Variants in ZNF585A observed in about 807,000 individuals in gnomAD.
ZNF585A encodes zinc finger protein 585A.
Under a neutral mutation model 14.9 loss-of-function variants are expected in ZNF585A, and 9 were observed. The observed-to-expected ratio is 0.60, with a 90% CI of 0.36 to 1.05. ZNF585A has a LOEUF of 1.05. Ranked by LOEUF, ZNF585A falls within the 50% of genes least tolerant of loss-of-function variation. The pLI is 0.01. For missense variants in ZNF585A, 726 were observed against 926.4 expected (o/e 0.78, Z 2.81); for synonymous variants, 276 against 319.9 (o/e 0.86, Z 1.46).
At chr19:37,169,344 G>A (rs994216946) in intron 2 of ZNF585A, among the ~76,000 whole-genome samples, 1 of 151,008 alleles carries the variant, frequency 6.6e-6, no homozygotes, top group East Asian at 1.9e-4. Context: ...GAAGGCAAAT[G>A]TGACAAAGCT....
Position 37,153,280 on chromosome 19 carries a change from T to G in ZNF585A, c.619A>C (p.Ile207Leu). 1 of 1,614,222 alleles carries G rather than the reference T, an allele frequency of 6.2e-7. No homozygotes were observed. The highest frequency in any genetic ancestry group is 1.1e-5 in the South Asian group (1 of 91,088). ...TCATAGAGTTTCTCTCCGGTATGAA[T>G]TCTCTGATGCCTGAAGAGGGACGAC... ...QVSSLFRHQR[I>L]HTGEKLYECS... is the part of the protein sequence containing the mutation. The change falls in exon 5 of 5, where the codon ATT becomes CTT. Residue 207 changes from isoleucine (I) to leucine (L), a missense_variant. Physicochemically the swap from Ile to Leu is conservative, Grantham distance 5. Coordinates refer to ENST00000292841, the MANE Select transcript of ZNF585A (RefSeq NM_001288800.2).
intron 3 of ZNF585A, 110 bp downstream of exon 3, chr19:37,156,119 A>C: frequency 6.4e-7 from 1 of 1,558,180 alleles, no homozygotes; most frequent in East Asian, 2.3e-5. Flanking sequence ...ATCCTAGACA[A>C]ATCAAGAACA....
intron 2 of ZNF585A, among the ~76,000 whole-genome samples, chr19:37,162,925 T>C (rs1253937402): frequency 6.6e-6 from 1 of 152,080 alleles, no homozygotes; most frequent in African/African-American, 2.4e-5. Context: ...TAAACCCCCA[T>C]GACACAAGTT....
chr19:37,155,476 C>A (rs1405338199), intron 4 of ZNF585A, among the ~76,000 whole-genome samples: 1 of 151,872 alleles, frequency 6.6e-6, no homozygotes. Flanking sequence ...CATGGTGAAA[C>A]CCTGCCTCTA....
Position 37,149,367 on chromosome 19 carries a change from G to A in ZNF585A, c.*2222C>T, listed in dbSNP as rs969257693. 6 of 152,204 alleles carry A rather than the reference G, an allele frequency of 3.9e-5. No homozygotes were observed. Among genetic ancestry groups the A allele is most frequent in the East Asian group, 1.9e-4 (1 of 5,176 alleles). 9.4% of individuals were successfully genotyped at this position (152,204 alleles called of 1,614,324 possible). On this transcript the variant is annotated 3_prime_UTR_variant, in exon 5 of 5. Coordinates refer to ENST00000292841, the MANE Select transcript of ZNF585A (RefSeq NM_001288800.2). Reference sequence around the variant, plus strand: ...TACGGGTATATGCATATACATATACGTAAGTATTATAATATTGTTACAATA... The same window carrying A: ...TACGGGTATATGCATATACATATACATAAGTATTATAATATTGTTACAATA...
At chr19:37,157,351 C>T (rs1018113059) in intron 2 of ZNF585A, among the ~76,000 whole-genome samples, 5 of 152,116 alleles carry the variant, frequency 3.3e-5, no homozygotes, top group South Asian at 2.1e-4. Flanking sequence ...CAATTTAGGA[C>T]GAGCCCTTAT....
chr19:37,165,161 C>T (rs1012867334), intron 2 of ZNF585A, among the ~76,000 whole-genome samples: 3 of 151,874 alleles, frequency 2.0e-5, no homozygotes, highest in African/African-American at 7.3e-5. Context: ...AAGTTGAGAC[C>T]ATCCTGGCCA....
chr19:37,152,832 C>A lies in ZNF585A; in HGVS notation c.1067G>T (p.Cys356Phe), dbSNP rs1568493361. 1 of 1,614,164 alleles carries A rather than the reference C, an allele frequency of 6.2e-7. No individual in the cohort carries two copies. The highest frequency in any genetic ancestry group is 1.7e-5 in the Admixed American group (1 of 60,024). Residue 356 changes from cysteine to phenylalanine, a missense_variant, in exon 5 of 5, where the codon TGT becomes TTT. Physicochemically the swap from Cys to Phe is radical, Grantham distance 205. Coordinates refer to ENST00000292841, the MANE Select transcript of ZNF585A (RefSeq NM_001288800.2). ...KVQSREKSSI[C>F]TECGKAFTYR... ...GGTAAAGGCCTTCCCACACTCAGTACATATGGAAGATTTCTCTCTACTTTG... is the reference window on the plus strand; with the variant it reads ...GGTAAAGGCCTTCCCACACTCAGTAAATATGGAAGATTTCTCTCTACTTTG...
chr19:37,166,608 G>A (rs1028399951), intron 2 of ZNF585A, among the ~76,000 whole-genome samples: 6 of 151,170 alleles, frequency 4.0e-5, no homozygotes, highest in East Asian at 1.9e-4. Context: ...CACCATGCCC[G>A]GCTGCACAGT....
Position 37,151,981 on chromosome 19 carries a change from C to A in ZNF585A, c.1918G>T (p.Gly640Trp). The change falls in exon 5 of 5, where the codon GGG becomes TGG. Residue 640 changes from glycine to tryptophan, a missense_variant. Gly to Trp is a radical substitution (Grantham distance 184). Coordinates refer to ENST00000292841, the MANE Select transcript of ZNF585A (RefSeq NM_001288800.2). ...GEKPYVCAECGKAFSGRSNLS... is the reference protein window; with the variant it reads ...GEKPYVCAECWKAFSGRSNLS... ...TTTGACCTGCCACTAAAGGCCTTCC[C>A]GCACTCGGCACACACATAGGGTTTC... The A allele has an allele frequency of 6.2e-7, 1 of 1,614,034 alleles. No homozygotes were observed. The highest frequency in any genetic ancestry group is 2.2e-5 in the East Asian group (1 of 44,858).
rs781041269 is a variant in ZNF585A, at chr19:37,153,054, T to A, written c.845A>T (p.Lys282Met). 19 of 1,614,096 alleles carry A rather than the reference T, an allele frequency of 1.2e-5. 1 individual carries two copies. In the Middle Eastern group the frequency reaches 4.9e-4, roughly 42 times the overall value. ...TCTTCGGTGTGCAATCAAATGGGTCTTCTGGATGAAGGCCTGTCCGCATTC... is the reference window on the plus strand; with the variant it reads ...TCTTCGGTGTGCAATCAAATGGGTCATCTGGATGAAGGCCTGTCCGCATTC... Reference protein sequence around the residue: ...CIECGQAFIQKTHLIAHRRIH... With the variant: ...CIECGQAFIQMTHLIAHRRIH... Residue 282 changes from lysine to methionine, a missense_variant, in exon 5 of 5, where the codon AAG becomes ATG. Transcript: ENST00000292841.
chr19:37,171,434 A>G (rs981097841), intron 1 of ZNF585A, among the ~76,000 whole-genome samples: 1 of 152,260 alleles, frequency 6.6e-6, no homozygotes, highest in African/African-American at 2.4e-5. Flanking sequence ...TAGTAACTGG[A>G]AAATGCATTG....
chr19:37,169,764 T>C, intron 2 of ZNF585A, 75 bp downstream of exon 2: 1 of 1,568,294 alleles, frequency 6.4e-7, no homozygotes, highest in Non-Finnish European at 8.7e-7. Context: ...CCCTCAGTCA[T>C]GAGGTTCTAG....
At chr19:37,156,918 C>CTGGTGATCCACCCAGG (rs1180176684) in intron 2 of ZNF585A, among the ~76,000 whole-genome samples, 2 of 152,198 alleles carry the variant, frequency 1.3e-5, no homozygotes, top group East Asian at 3.9e-4. Flanking sequence ...TCTTGAACTG[C>CTGGTGATCCACCCAGG]TGACCTCAGG....
At chr19:37,160,361 A>C (rs971887291) in intron 2 of ZNF585A, among the ~76,000 whole-genome samples, 1 of 144,386 alleles carries the variant, frequency 6.9e-6, no homozygotes, top group African/African-American at 2.7e-5. Flanking sequence ...TAAATAAATA[A>C]ATAAATAAAT....
rs910771505 is a variant in ZNF585A, at chr19:37,149,222, T to A, written c.*2367A>T. On this transcript the variant is annotated 3_prime_UTR_variant, in exon 5 of 5. Coordinates refer to ENST00000292841, the MANE Select transcript of ZNF585A (RefSeq NM_001288800.2). ...AACAAATATACTACTCTGAGAGGAA[T>A]GCTGATAATGTGGGAGGCTATGCAT... 6.6e-6 allele frequency: 1 copy of A among 152,154 alleles called. No individual in the cohort carries two copies. Among genetic ancestry groups the A allele is most frequent in the Non-Finnish European group, 1.5e-5 (1 of 68,030 alleles). 9.4% of individuals were successfully genotyped at this position (152,154 alleles called of 1,614,324 possible). A position where few individuals can be genotyped will look rare whatever the true frequency, so the allele number is the denominator to read the frequency against.
At chr19:37,158,881 C>G (rs890130816) in intron 2 of ZNF585A, among the ~76,000 whole-genome samples, 2 of 152,038 alleles carry the variant, frequency 1.3e-5, no homozygotes, top group Non-Finnish European at 2.9e-5. Context: ...TATTTTTACA[C>G]AAAACATGGT....
intron 2 of ZNF585A, among the ~76,000 whole-genome samples, chr19:37,164,209 G>A (rs1175467611): frequency 6.6e-6 from 1 of 152,020 alleles, no homozygotes; most frequent in Admixed American, 6.6e-5. Context: ...ACGAGGTCGG[G>A]AGATCGAGAC....
chr19:37,157,970 C>A (rs1160633162), intron 2 of ZNF585A, among the ~76,000 whole-genome samples: 4 of 151,552 alleles, frequency 2.6e-5, no homozygotes, highest in African/African-American at 9.7e-5. Flanking sequence ...CTCACCGCAA[C>A]CTCCACCTCC....
Sources: gnomAD v4.1 joint callset for allele counts (sites outside exome capture counted in the v4.1 genomes callset) on GRCh38, gnomAD v4.1.1 for gene constraint, MANE v1.5 for transcripts, NCBI Gene and HGNC (gene_info 2026-07-23, HGNC 2026-07-21) for gene names.